Variants in ZNF148 observed in about 807,000 individuals in gnomAD.
ZNF148 encodes Beta-Enolase Repressor Factor-1.
In ZNF148, 7 loss-of-function variants were observed where a neutral mutation model predicts 67.7. The ratio of observed to expected loss-of-function variants is 0.10; its 90% CI spans 0.06 to 0.19. The LOEUF is 0.19. ZNF148 is among the 10% of genes least tolerant of loss of function. ZNF148 has a pLI of 1.00. For synonymous variants in ZNF148, 333 were observed against 330.7 expected (o/e 1.01, Z -0.08); for missense variants, 583 against 947.1 (o/e 0.62, Z 5.05).
At chr3:125,273,869 C>A (rs561041961) in intron 7 of ZNF148, among the ~76,000 whole-genome samples, 21 of 152,210 alleles carry the variant, frequency 1.4e-4, no homozygotes, top group Non-Finnish European at 2.5e-4. Flanking sequence ...TGAAAACTGG[C>A]ATAACTAAAA....
At chr3:125,307,481 T>A (rs1481187213) in intron 4 of ZNF148, among the ~76,000 whole-genome samples, 1 of 152,114 alleles carries the variant, frequency 6.6e-6, no homozygotes, top group Admixed American at 6.5e-5. Flanking sequence ...TTTTTGTATT[T>A]TTTTAGTTGA....
intron 4 of ZNF148, among the ~76,000 whole-genome samples, chr3:125,300,707 G>C (rs1249984666): frequency 6.6e-6 from 1 of 152,158 alleles, no homozygotes; most frequent in Admixed American, 6.5e-5. Context: ...TGTGACTAGA[G>C]CATGATTTTT....
intron 6 of ZNF148, 46 bp from the exon 7 acceptor site, chr3:125,277,855 C>T (rs370891777): frequency 6.7e-5 from 100 of 1,498,572 alleles, no homozygotes; most frequent in South Asian, 1.4e-4. Flanking sequence ...AATAAAACAA[C>T]GGTTTTTAGT....
At chr3:125,300,267 T>G (rs1409743160) in intron 4 of ZNF148, among the ~76,000 whole-genome samples, 1 of 152,180 alleles carries the variant, frequency 6.6e-6, no homozygotes, top group African/African-American at 2.4e-5. Flanking sequence ...CCACCATGCC[T>G]GGCCTGAATG....
chr3:125,374,033 G>C (rs750139449), intron 1 of ZNF148, among the ~76,000 whole-genome samples: 1 of 152,130 alleles, frequency 6.6e-6, no homozygotes, highest in African/African-American at 2.4e-5. Context: ...CCAACCTCGG[G>C]TAAGTGTTAA....
rs560970311 is a variant in ZNF148, at chr3:125,314,280, G to A, written c.-16-624C>T. 2.6e-5 allele frequency among the ~76,000 whole-genome samples: 4 copies of A among 152,176 alleles called. No individual in the cohort carries two copies. In the South Asian group the frequency reaches 6.2e-4, roughly 24 times the overall value. ...CATTTGGTATCAAATGCTATGAAACGTATCAAAAGCTATAAAAATGTACAT... is the reference window on the plus strand; with the variant it reads ...CATTTGGTATCAAATGCTATGAAACATATCAAAAGCTATAAAAATGTACAT... On this transcript the variant is annotated intron_variant, in intron 3 of 8. Coordinates refer to ENST00000360647, the MANE Select transcript of ZNF148 (RefSeq NM_021964.3).
At chr3:125,339,385 C>T (rs544217315) in intron 1 of ZNF148, among the ~76,000 whole-genome samples, 13 of 152,190 alleles carry the variant, frequency 8.5e-5, no homozygotes, top group African/African-American at 1.9e-4. Flanking sequence ...TAACGTATTA[C>T]GGGAATAGTT....
chr3:125,262,256 C>T (rs1261967237), intron 7 of ZNF148, among the ~76,000 whole-genome samples: 1 of 152,118 alleles, frequency 6.6e-6, no homozygotes, highest in Non-Finnish European at 1.5e-5. Flanking sequence ...TGATATTTGC[C>T]TTTTATCATG....
At chr3:125,367,353 T>C (rs1313061557) in intron 1 of ZNF148, among the ~76,000 whole-genome samples, 1 of 152,222 alleles carries the variant, frequency 6.6e-6, no homozygotes. Flanking sequence ...AATCATGCTT[T>C]CTATCAGATA....
At chr3:125,317,662 T>TATATATAGAGAGAGAGAGAGAGAGAGAG (rs752542874) in intron 3 of ZNF148, among the ~76,000 whole-genome samples, 91 of 90,036 alleles carry the variant, frequency 1.0e-3, no homozygotes, top group Non-Finnish European at 1.2e-3. Flanking sequence ...TATATATATA[T>TATATATAGAGAGAGAGAGAGAGAGAGAG]AGAGAGAGAG....
intron 2 of ZNF148, among the ~76,000 whole-genome samples, chr3:125,326,505 G>A (rs1404955590): frequency 6.6e-6 from 1 of 150,968 alleles, no homozygotes; most frequent in Non-Finnish European, 1.5e-5. Flanking sequence ...AAAAATCAAT[G>A]GAGTAATTAA....
chr3:125,352,670 A>T (rs1942196620), intron 1 of ZNF148, among the ~76,000 whole-genome samples: 1 of 152,146 alleles, frequency 6.6e-6, no homozygotes, highest in Non-Finnish European at 1.5e-5. Context: ...CTTAAAAAAA[A>T]AAAAAAAAAA....
At chr3:125,362,578 G>A (rs1377246566) in intron 1 of ZNF148, among the ~76,000 whole-genome samples, 2 of 139,588 alleles carry the variant, frequency 1.4e-5, no homozygotes, top group South Asian at 2.3e-4. Flanking sequence ...TTTTTGAGAC[G>A]GGCTCTTACT....
chr3:125,280,353 C>A (rs1938311347), intron 5 of ZNF148, among the ~76,000 whole-genome samples: 2 of 151,960 alleles, frequency 1.3e-5, no homozygotes, highest in Admixed American at 6.6e-5. Context: ...TGCATGTATT[C>A]CAATTTATCA....
intron 7 of ZNF148, among the ~76,000 whole-genome samples, chr3:125,239,918 C>T (rs1207134023): frequency 6.6e-6 from 1 of 152,094 alleles, no homozygotes; most frequent in East Asian, 1.9e-4. Context: ...TGACCCAGGG[C>T]TGGAAGGGAG....
chr3:125,312,905 G>A (rs567329067), intron 4 of ZNF148, among the ~76,000 whole-genome samples: 4 of 152,232 alleles, frequency 2.6e-5, no homozygotes, highest in South Asian at 2.1e-4. Flanking sequence ...CAGAGAATAG[G>A]AGCATATTAG....
intron 2 of ZNF148, 119 bp from the exon 3 acceptor site, chr3:125,323,563 T>A (rs1281942000): frequency 2.0e-6 from 1 of 502,292 alleles, no homozygotes; most frequent in African/African-American, 2.0e-5. Flanking sequence ...ATACAGTAAG[T>A]TATGACTGAA....
chr3:125,252,301 C>T (rs1218392238), intron 7 of ZNF148, among the ~76,000 whole-genome samples: 1 of 152,046 alleles, frequency 6.6e-6, no homozygotes, highest in Non-Finnish European at 1.5e-5. Flanking sequence ...AGGATTTTCC[C>T]CCCATTCCAA....
chr3:125,317,658 T>TAGAGAGAGAGAGAGAGAGAGAG (rs796905351), intron 3 of ZNF148, among the ~76,000 whole-genome samples: 303 of 27,886 alleles, frequency 0.011, 1 homozygote, highest in Non-Finnish European at 0.014. Flanking sequence ...TATATATATA[T>TAGAGAGAGAGAGAGAGAGAGAG]ATATAGAGAG....
Sources: gnomAD v4.1 joint callset for allele counts (sites outside exome capture counted in the v4.1 genomes callset) on GRCh38, gnomAD v4.1.1 for gene constraint, MANE v1.5 for transcripts, NCBI Gene and HGNC (gene_info 2026-07-23, HGNC 2026-07-21) for gene names.